PCP4: variants seen among roughly 807,000 people sequenced by gnomAD.
The protein encoded by PCP4 is calmodulin regulator protein PCP4.
A neutral mutation model predicts 10.0 loss-of-function variants in PCP4; 8 were observed. The observed-to-expected ratio is 0.80, with a 90% CI of 0.47 to 1.45. The LOEUF (loss-of-function observed/expected upper bound fraction) is 1.45, where lower values mean the gene tolerates loss of function less well. Among genes scored for constraint, PCP4 ranks in the 40% most tolerant of loss-of-function variants. The probability of loss-of-function intolerance (pLI) is 0.00; values close to 1 mark genes in which losing one functional copy is unlikely to be tolerated. For synonymous variants in PCP4, 21 were observed against 23.0 expected (o/e 0.91, Z 0.24); for missense variants, 54 against 74.4 (o/e 0.73, Z 1.01).
chr21:39,875,671 C>A (rs2087341943), intron 1 of PCP4, among the ~76,000 whole-genome samples: 1 of 152,194 alleles, frequency 6.6e-6, no homozygotes, highest in Non-Finnish European at 1.5e-5. Context: ...TCTTTTCAAT[C>A]TTCCTGCAGA....
chr21:39,895,962 T>C (rs926238836), intron 1 of PCP4, among the ~76,000 whole-genome samples: 1 of 152,206 alleles, frequency 6.6e-6, no homozygotes, highest in African/African-American at 2.4e-5. Context: ...TAACGAGTTC[T>C]TTTTTTGTCA....
intron 1 of PCP4, among the ~76,000 whole-genome samples, chr21:39,893,400 A>G (rs1352642197): frequency 1.3e-5 from 2 of 152,212 alleles, no homozygotes; most frequent in African/African-American, 4.8e-5. Flanking sequence ...CCCATTTGTT[A>G]TTTAGATTCC....
chr21:39,876,904 T>G (rs2087348891), intron 1 of PCP4, among the ~76,000 whole-genome samples: 1 of 152,160 alleles, frequency 6.6e-6, no homozygotes, highest in South Asian at 2.1e-4. Context: ...TCAGCCTGCT[T>G]AAGGACGGTT....
rs540700091 is a variant in PCP4 at position 39,877,356 on chromosome 21, C to G, written c.9+9846C>G. The stretch of plus-strand genomic sequence containing the variant: ...TCCCATCCCGTCACACACAGAGAAG[C>G]TGAGAAATGTTAATAATGCTTCCCT... On this transcript the variant is annotated intron_variant, in intron 1 of 2. Coordinates refer to ENST00000328619, the MANE Select transcript of PCP4 (RefSeq NM_006198.3). Among the ~76,000 whole-genome samples, 5 of 152,094 alleles carry G rather than the reference C, an allele frequency of 3.3e-5. No homozygotes were observed. In the East Asian group the frequency reaches 9.7e-4, roughly 29 times the overall value.
chr21:39,925,584 C>T (rs919029068), intron 2 of PCP4, among the ~76,000 whole-genome samples: 4 of 152,176 alleles, frequency 2.6e-5, no homozygotes, highest in East Asian at 3.9e-4. Context: ...GCAATTGCAC[C>T]GTGAAGAACT....
intron 1 of PCP4, among the ~76,000 whole-genome samples, chr21:39,877,599 A>G (rs1280368471): frequency 1.3e-5 from 2 of 151,926 alleles, no homozygotes; most frequent in Non-Finnish European, 2.9e-5. Flanking sequence ...CAGGAGGCTG[A>G]GATGGGTGGA....
intron 1 of PCP4, among the ~76,000 whole-genome samples, chr21:39,891,615 C>T (rs1223020131): frequency 6.6e-6 from 1 of 152,188 alleles, no homozygotes; most frequent in Non-Finnish European, 1.5e-5. Flanking sequence ...ACCATCAAGG[C>T]GCGTAGACCG....
At position 39,888,740 on chromosome 21, in the gene PCP4, TCCCTTCTGCTTGGGAC is replaced by T. The variant is rs559071692; in HGVS notation, c.10-9733_10-9718del. On this transcript the variant is annotated intron_variant, in intron 1 of 2. Coordinates refer to ENST00000328619, the MANE Select transcript of PCP4 (RefSeq NM_006198.3). The stretch of plus-strand genomic sequence containing the variant: ...GAGCCACCAAAGTGGAAGCAGTGGG[TCCCTTCTGCTTGGGAC>T]CCTCGGGCCCAGCCCAGGACCTGGC... 2.6e-5 allele frequency among the ~76,000 whole-genome samples: 4 copies of T among 152,216 alleles called. No individual in the cohort carries two copies. The East Asian group carries it at 7.7e-4, about 29-fold the overall frequency.
At chr21:39,885,277 C>G (rs1231030325) in intron 1 of PCP4, among the ~76,000 whole-genome samples, 1 of 152,182 alleles carries the variant, frequency 6.6e-6, no homozygotes, top group East Asian at 1.9e-4. Flanking sequence ...GGGGGCTATT[C>G]AACCATGTAG....
At chr21:39,914,579 A>AAG (rs1297169019) in intron 2 of PCP4, among the ~76,000 whole-genome samples, 1 of 151,394 alleles carries the variant, frequency 6.6e-6, no homozygotes, top group African/African-American at 2.4e-5. Flanking sequence ...GTCTCAAAAA[A>AAG]AAAAAAAAGA....
At chr21:39,917,159 A>C (rs1014182107) in intron 2 of PCP4, among the ~76,000 whole-genome samples, 1 of 152,218 alleles carries the variant, frequency 6.6e-6, no homozygotes, top group Non-Finnish European at 1.5e-5. Context: ...GCCAGAAACA[A>C]TTCATATGGA....
chr21:39,921,497 T>C (rs1320814331), intron 2 of PCP4, among the ~76,000 whole-genome samples: 5 of 152,198 alleles, frequency 3.3e-5, no homozygotes, highest in African/African-American at 1.2e-4. Flanking sequence ...GAATCTTAAA[T>C]TCTGATTCTC....
chr21:39,914,581 AAAAAAAG>A (rs2087559227), intron 2 of PCP4, among the ~76,000 whole-genome samples: 1 of 151,404 alleles, frequency 6.6e-6, no homozygotes, highest in Non-Finnish European at 1.5e-5. Context: ...CTCAAAAAAA[AAAAAAAG>A]AAAAAAAAAA....
rs138322031 is a variant in PCP4 at position 39,921,144 on chromosome 21, G to T, written c.62-7840G>T. On this transcript the variant is annotated intron_variant, in intron 2 of 2. Coordinates refer to ENST00000328619, the MANE Select transcript of PCP4 (RefSeq NM_006198.3). ...GAATTTGGTATAGTTCCCCCAGACAGCCTGGTAAACCAGCAGATTTTGCAA... is the reference window on the plus strand; with the variant it reads ...GAATTTGGTATAGTTCCCCCAGACATCCTGGTAAACCAGCAGATTTTGCAA... 7.2e-3 allele frequency among the ~76,000 whole-genome samples: 1,099 copies of T among 152,324 alleles called. 12 individuals are homozygous for T. The highest frequency in any genetic ancestry group is 0.025 in the African/African-American group (1,023 of 41,560).
At chr21:39,909,297 C>T (rs1356338040) in intron 2 of PCP4, among the ~76,000 whole-genome samples, 8 of 152,196 alleles carry the variant, frequency 5.3e-5, no homozygotes, top group Non-Finnish European at 2.9e-5. Flanking sequence ...TGTATCTGCT[C>T]AGGCTGAGCA....
intron 2 of PCP4, among the ~76,000 whole-genome samples, chr21:39,903,867 C>CAAAAAAAG (rs2087493227): frequency 2.9e-5 from 1 of 34,822 alleles, no homozygotes; most frequent in Non-Finnish European, 5.9e-5. Context: ...GACTCCGTCT[C>CAAAAAAAG]AAAAAAAACA....
At chr21:39,869,395 C>T (rs754090403) in intron 1 of PCP4, among the ~76,000 whole-genome samples, 9 of 152,224 alleles carry the variant, frequency 5.9e-5, no homozygotes, top group South Asian at 2.1e-4. Flanking sequence ...CTGTAGTCAC[C>T]GCCCCGCCAT....
chr21:39,906,772 C>T lies in PCP4; in HGVS notation c.61+8245C>T, dbSNP rs2087512855. ...TATACATTATTCTCAATGAATTACTCTTAAAGATCTTCAAGATCTTGGCCA... is the reference window on the plus strand; with the variant it reads ...TATACATTATTCTCAATGAATTACTTTTAAAGATCTTCAAGATCTTGGCCA... On this transcript the variant is annotated intron_variant, in intron 2 of 2. Coordinates refer to ENST00000328619, the MANE Select transcript of PCP4 (RefSeq NM_006198.3). The surrounding 1 kb of genome is among the most constrained non-coding windows in gnomAD (Gnocchi z 6.3). Among the ~76,000 whole-genome samples the T allele has an allele frequency of 6.6e-6, 1 of 152,148 alleles. No individual in the cohort carries two copies. The highest frequency in any genetic ancestry group is 2.4e-5 in the African/African-American group (1 of 41,436).
intron 1 of PCP4, among the ~76,000 whole-genome samples, chr21:39,888,370 C>A (rs1004626947): frequency 1.3e-5 from 2 of 152,174 alleles, no homozygotes; most frequent in African/African-American, 2.4e-5. Flanking sequence ...CATAAACCAC[C>A]CATTTAACAT....
Sources: gnomAD v4.1 joint callset for allele counts (sites outside exome capture counted in the v4.1 genomes callset) on GRCh38, gnomAD v4.1.1 for gene constraint, Gnocchi (gnomAD v3.1) non-coding constraint, MANE v1.5 for transcripts, NCBI Gene and HGNC (gene_info 2026-07-23, HGNC 2026-07-21) for gene names.